FRMD4B: variants seen among roughly 807,000 people sequenced by gnomAD.
FRMD4B encodes the protein FERM domain containing 4B.
Under a neutral mutation model 141.5 loss-of-function variants are expected in FRMD4B, and 74 were observed. That is an observed-to-expected ratio of 0.52 (90% confidence interval 0.43 to 0.63). FRMD4B has a LOEUF of 0.63. FRMD4B is among the 30% of genes least tolerant of loss of function. The pLI is 0.00. For synonymous variants in FRMD4B, 506 were observed against 467.9 expected (o/e 1.08, Z -1.05); for missense variants, 1,366 against 1,253.4 (o/e 1.09, Z -1.36).
chr3:69,225,644 G>A (rs1361194834), intron 7 of FRMD4B, among the ~76,000 whole-genome samples: 3 of 125,836 alleles, frequency 2.4e-5, no homozygotes, highest in Admixed American at 1.9e-4. Flanking sequence ...GCAGTGAGCC[G>A]AGATCACGCC....
chr3:69,418,609 C>T (rs970716700), intron 2 of FRMD4B, among the ~76,000 whole-genome samples: 2 of 152,172 alleles, frequency 1.3e-5, no homozygotes. Flanking sequence ...GAGGGGGCCA[C>T]ATGTCAGGGA....
At chr3:69,445,575 C>T (rs946710047) in intron 1 of FRMD4B, among the ~76,000 whole-genome samples, 2 of 152,198 alleles carry the variant, frequency 1.3e-5, no homozygotes, top group Non-Finnish European at 2.9e-5. Context: ...GGATTCCTAT[C>T]TACCTCTGAA....
chr3:69,394,318 AG>A lies in FRMD4B; in HGVS notation c.-1+38315del, dbSNP rs1225387098. On this transcript the variant is annotated intron_variant, in intron 2 of 5. Coordinates refer to the FRMD4B transcript ENST00000459638. ...TATCCAAGCCCAATTACCTCCCCAA[AG>A]CTCCACCAAATACCATCACATTGGT... 2.6e-5 allele frequency among the ~76,000 whole-genome samples: 4 copies of A among 152,216 alleles called. No individual in the cohort carries two copies. The East Asian group carries it at 7.7e-4, about 29-fold the overall frequency.
At chr3:69,472,942 T>TC (rs1293363578) in intron 1 of FRMD4B, among the ~76,000 whole-genome samples, 2 of 148,222 alleles carry the variant, frequency 1.3e-5, no homozygotes, top group Non-Finnish European at 3.0e-5. Flanking sequence ...TTTTTTCTTT[T>TC]TTTTTTTTTT....
intron 18 of FRMD4B, among the ~76,000 whole-genome samples, chr3:69,188,429 CA>C (rs1431467251): frequency 6.6e-6 from 1 of 152,148 alleles, no homozygotes; most frequent in Non-Finnish European, 1.5e-5. Context: ...CAAGCATGAC[CA>C]AACATCACCT....
chr3:69,313,594 T>C, intron 1 of FRMD4B, 77 bp from the exon 2 acceptor site: 1 of 873,330 alleles, frequency 1.1e-6, no homozygotes, highest in Non-Finnish European at 1.8e-6. Context: ...GTATCATTTA[T>C]TTTATATGAG....
chr3:69,390,490 C>T (rs1424592730), upstream of FRMD4B, among the ~76,000 whole-genome samples: 2 of 152,100 alleles, frequency 1.3e-5, no homozygotes, highest in Non-Finnish European at 2.9e-5. Context: ...AGGTAGAGGC[C>T]AGGGATGCCG....
intron 5 of FRMD4B, among the ~76,000 whole-genome samples, chr3:69,261,278 T>C (rs2093525708): frequency 6.6e-6 from 1 of 152,216 alleles, no homozygotes; most frequent in Non-Finnish European, 1.5e-5. Context: ...GAATGGACTT[T>C]GGACACACCA....
chr3:69,405,515 G>T (rs1055777226), intron 2 of FRMD4B, among the ~76,000 whole-genome samples: 1 of 152,164 alleles, frequency 6.6e-6, no homozygotes, highest in African/African-American at 2.4e-5. Flanking sequence ...AGGGCAACTT[G>T]GTCAGATGTG....
At chr3:69,528,030 A>G (rs1344345880) in intron 1 of FRMD4B, among the ~76,000 whole-genome samples, 1 of 152,018 alleles carries the variant, frequency 6.6e-6, no homozygotes, top group African/African-American at 2.4e-5. Context: ...CTTCCAGTCT[A>G]CTCTTTACTT....
rs76797303 is a variant in FRMD4B, at chr3:69,415,628, G to A, written c.-1+17006C>T. On this transcript the variant is annotated intron_variant, in intron 2 of 5. Transcript: ENST00000459638. ...TCATGTCCAGGAGGAAGCTGTCCCTGATTCCCTCAGCCTAGGCCAGGTTCT... is the reference window on the plus strand; with the variant it reads ...TCATGTCCAGGAGGAAGCTGTCCCTAATTCCCTCAGCCTAGGCCAGGTTCT... Among the ~76,000 whole-genome samples the A allele has an allele frequency of 8.7e-4, 132 of 152,324 alleles. 2 individuals carry two copies. The East Asian group carries it at 0.021, about 24-fold the overall frequency.
chr3:69,539,621 G>A (rs762425536), intron 1 of FRMD4B, among the ~76,000 whole-genome samples: 3 of 151,998 alleles, frequency 2.0e-5, no homozygotes, highest in Non-Finnish European at 4.4e-5. Context: ...CTCAAAATAC[G>A]GTATTTAGGT....
intron 18 of FRMD4B, among the ~76,000 whole-genome samples, chr3:69,188,786 T>C (rs1017730917): frequency 6.8e-5 from 9 of 133,150 alleles, no homozygotes; most frequent in African/African-American, 2.7e-4. Context: ...AAAAAAAAAC[T>C]TGGGGAAGAT....
intron 1 of FRMD4B, among the ~76,000 whole-genome samples, chr3:69,433,959 A>G (rs1338765269): frequency 6.6e-6 from 1 of 152,216 alleles, no homozygotes; most frequent in Admixed American, 6.5e-5. Flanking sequence ...GTACAGAAAG[A>G]GAGAGAGAAA....
chr3:69,369,202 A>G (rs889384891), intron 1 of FRMD4B, among the ~76,000 whole-genome samples: 1 of 152,194 alleles, frequency 6.6e-6, no homozygotes, highest in Admixed American at 6.5e-5. Context: ...TACTTTCTGG[A>G]AAAACTTCAG....
At chr3:69,313,041 A>G (rs547750801) in intron 2 of FRMD4B, among the ~76,000 whole-genome samples, 2 of 152,306 alleles carry the variant, frequency 1.3e-5, no homozygotes, top group East Asian at 3.9e-4. Context: ...TGGGTATTTC[A>G]CTTGCACAAT....
At chr3:69,339,723 A>G (rs2107370173) in intron 1 of FRMD4B, among the ~76,000 whole-genome samples, 1 of 152,340 alleles carries the variant, frequency 6.6e-6, no homozygotes, top group African/African-American at 2.4e-5. Flanking sequence ...CCATGGGACA[A>G]TTCAGCAAAA....
intron 11 of FRMD4B, among the ~76,000 whole-genome samples, chr3:69,203,428 G>A (rs947768885): frequency 6.6e-5 from 10 of 151,588 alleles, no homozygotes; most frequent in African/African-American, 1.7e-4. Context: ...ATGTATTTCA[G>A]TAGCTTTGAG....
At chr3:69,235,181 A>AAT (rs1553706968) in intron 7 of FRMD4B, among the ~76,000 whole-genome samples, 9 of 146,648 alleles carry the variant, frequency 6.1e-5, no homozygotes, top group African/African-American at 2.0e-4. Context: ...TAATAATAAT[A>AAT]ATAATAATAA....
Sources: gnomAD v4.1 joint callset for allele counts (sites outside exome capture counted in the v4.1 genomes callset) on GRCh38, gnomAD v4.1.1 for gene constraint, MANE v1.5 for transcripts, NCBI Gene and HGNC (gene_info 2026-07-23, HGNC 2026-07-21) for gene names.